KAZN: variants seen among roughly 807,000 people sequenced by gnomAD.
The protein encoded by KAZN is kazrin.
Under a neutral mutation model 87.4 loss-of-function variants are expected in KAZN, and 40 were observed. The ratio of observed to expected loss-of-function variants is 0.46; its 90% CI spans 0.36 to 0.60. The LOEUF is 0.60. Ranked by LOEUF, KAZN falls within the 20% of genes least tolerant of loss-of-function variation. The probability of loss-of-function intolerance (pLI) is 0.00; values close to 1 mark genes in which losing one functional copy is unlikely to be tolerated. For missense variants in KAZN, 898 were observed against 1,073.9 expected (o/e 0.84, Z 2.29); for synonymous variants, 466 against 458.3 (o/e 1.02, Z -0.22).
At chr1:14,419,102 T>A (rs974283851) in intron 2 of KAZN, among the ~76,000 whole-genome samples, 2 of 152,194 alleles carry the variant, frequency 1.3e-5, no homozygotes, top group African/African-American at 4.8e-5. Context: ...ATAGAAAAAG[T>A]TTATCTCTTG....
chr1:14,219,456 T>A (rs967712434), intron 2 of KAZN, among the ~76,000 whole-genome samples: 2 of 152,184 alleles, frequency 1.3e-5, no homozygotes, highest in Non-Finnish European at 2.9e-5. Flanking sequence ...ATAAGCTTTT[T>A]AAAACATATA....
intron 1 of KAZN, among the ~76,000 whole-genome samples, chr1:14,669,040 A>C (rs1639751178): frequency 6.6e-6 from 1 of 152,228 alleles, no homozygotes; most frequent in East Asian, 1.9e-4. Context: ...ATTCGTAAAC[A>C]TCTTTTAACC....
At chr1:13,905,506 CT>C (rs1393968265) in intron 1 of KAZN, among the ~76,000 whole-genome samples, 1 of 152,174 alleles carries the variant, frequency 6.6e-6, no homozygotes, top group Non-Finnish European at 1.5e-5. Context: ...GGCAGACAAG[CT>C]TTCTTACCTC....
At chr1:15,006,454 A>G (rs997526591) in intron 2 of KAZN, among the ~76,000 whole-genome samples, 2 of 152,220 alleles carry the variant, frequency 1.3e-5, no homozygotes, top group Admixed American at 6.5e-5. Flanking sequence ...CCTGACAGCG[A>G]GCCGGGAAAA....
rs769792576 is a variant in KAZN at position 15,114,625 on chromosome 1, C to A, written c.2318C>A (p.Thr773Asn). The A allele has an allele frequency of 6.3e-7, 1 of 1,584,726 alleles. No individual in the cohort carries two copies. The highest frequency in any genetic ancestry group is 1.2e-5 in the South Asian group (1 of 86,606). ...RLEGYNSLEV[T>N]NV ...GAAGGCTACAACAGCCTGGAGGTCA[C>A]CAACGTGTAAGGAACTGGTGGCTCC... The change falls in exon 15 of 15, where the codon ACC becomes AAC. Residue 773 changes from threonine to asparagine, a missense_variant. By Grantham distance (65) the Thr-to-Asn change is moderately conservative (BLOSUM62 0). Coordinates refer to ENST00000376030, the MANE Select transcript of KAZN (RefSeq NM_201628.3).
intron 2 of KAZN, among the ~76,000 whole-genome samples, chr1:14,434,859 A>T (rs1439077587): frequency 6.6e-6 from 1 of 151,908 alleles, no homozygotes; most frequent in Non-Finnish European, 1.5e-5. Flanking sequence ...TGTTTCCTTC[A>T]GAGGAAGTTA....
At chr1:14,636,867 G>T (rs1000180466) in intron 1 of KAZN, among the ~76,000 whole-genome samples, 8 of 152,200 alleles carry the variant, frequency 5.3e-5, no homozygotes, top group African/African-American at 1.9e-4. Context: ...GGAATCAAAA[G>T]AGGAAATAAC....
At chr1:13,933,093 C>T (rs542709047) in intron 1 of KAZN, among the ~76,000 whole-genome samples, 5 of 152,208 alleles carry the variant, frequency 3.3e-5, no homozygotes, top group African/African-American at 7.2e-5. Flanking sequence ...ATGACTATCA[C>T]GTAAACTCAA....
At chr1:15,097,071 G>A (rs1235102667) in intron 10 of KAZN, among the ~76,000 whole-genome samples, 3 of 152,208 alleles carry the variant, frequency 2.0e-5, no homozygotes, top group African/African-American at 7.2e-5. Context: ...CCTGTCTCCA[G>A]TTTGCCACAT....
chr1:14,131,127 C>T (rs10803455), intron 1 of KAZN, among the ~76,000 whole-genome samples: 86,216 of 151,312 alleles, frequency 0.57, 25,744 homozygotes, highest in East Asian at 0.76. Flanking sequence ...AGAGTGAAGG[C>T]GGAAGAGCTG....
At chr1:14,354,628 T>C (rs992520418) in intron 2 of KAZN, among the ~76,000 whole-genome samples, 1 of 147,426 alleles carries the variant, frequency 6.8e-6, no homozygotes, top group Non-Finnish European at 1.5e-5. Flanking sequence ...TGTGCATCTA[T>C]TAGAATAGCT....
chr1:13,925,513 T>G (rs35899553), intron 1 of KAZN, among the ~76,000 whole-genome samples: 5,946 of 152,042 alleles, frequency 0.039, 147 homozygotes, highest in Middle Eastern at 0.075. Flanking sequence ...GCAGATGGGA[T>G]GGGAGGTCTA....
At chr1:14,534,243 T>C (rs1672360882) in intron 2 of KAZN, among the ~76,000 whole-genome samples, 1 of 152,200 alleles carries the variant, frequency 6.6e-6, no homozygotes, top group African/African-American at 2.4e-5. Context: ...CAACAGGCCA[T>C]TTCCAATTGC....
At chr1:14,053,812 C>T (rs889960531) in intron 1 of KAZN, among the ~76,000 whole-genome samples, 7 of 151,716 alleles carry the variant, frequency 4.6e-5, no homozygotes, top group Non-Finnish European at 7.4e-5. Context: ...AAACACTTAC[C>T]TACTAATAGC....
intron 2 of KAZN, among the ~76,000 whole-genome samples, chr1:14,323,285 G>T (rs72867345): frequency 6.6e-6 from 1 of 152,032 alleles, no homozygotes; most frequent in Non-Finnish European, 1.5e-5. Context: ...ACGTGGCCAT[G>T]CCTGGTGGAT....
chr1:14,886,832 A>T (rs1297299688), intron 1 of KAZN, among the ~76,000 whole-genome samples: 5 of 152,278 alleles, frequency 3.3e-5, no homozygotes, highest in Non-Finnish European at 4.4e-5. Context: ...TTACATGTAT[A>T]CCTGTATATG....
intron 2 of KAZN, among the ~76,000 whole-genome samples, chr1:14,275,444 C>CTGTGTGTGTGTGTGTGTGTG (rs60684981): frequency 7.3e-6 from 1 of 136,880 alleles, no homozygotes; most frequent in African/African-American, 2.8e-5. Flanking sequence ...GTGGTAAATA[C>CTGTGTGTGTGTGTGTGTGTG]TGTGTGTGTG....
chr1:14,492,824 C>T (rs866454280), intron 2 of KAZN, among the ~76,000 whole-genome samples: 9 of 148,442 alleles, frequency 6.1e-5, no homozygotes, highest in African/African-American at 1.7e-4. Flanking sequence ...ATATACCGCC[C>T]ATATATCACA....
In KAZN at chr1:14,509,555, G is replaced by A. The variant is rs188127357; in HGVS notation, c.250-89428G>A. Among the ~76,000 whole-genome samples, 10 of 152,300 alleles carry A rather than the reference G, an allele frequency of 6.6e-5. No individual in the cohort carries two copies. The South Asian group carries it at 1.2e-3, about 19-fold the overall frequency. On this transcript the variant is annotated intron_variant, in intron 2 of 16. Transcript: ENST00000636203. ...GGTAGGCGAGGAGCCTCGTAGGGCC[G>A]TGGAAAAAGATTAAATTTCATTCTA...
Sources: allele counts gnomAD v4.1 joint callset (sites outside exome capture counted in the v4.1 genomes callset), GRCh38; gene constraint gnomAD v4.1.1; transcripts MANE v1.5; gene names NCBI Gene and HGNC (gene_info 2026-07-23, HGNC 2026-07-21).